Variants in ATP13A1 observed in about 807,000 individuals in gnomAD.
ATP13A1 encodes the protein ATPase 13A1.
A neutral mutation model predicts 134.8 loss-of-function variants in ATP13A1; 55 were observed. That is an observed-to-expected ratio of 0.41 (90% CI 0.33 to 0.51). The LOEUF is 0.51. ATP13A1 is among the 20% of genes least tolerant of loss of function. The pLI, the probability that ATP13A1 is intolerant of heterozygous loss-of-function variation, is 0.29. For synonymous variants in ATP13A1, 775 were observed against 725.1 expected (o/e 1.07, Z -1.10); for missense variants, 1,389 against 1,652.8 (o/e 0.84, Z 2.77).
chr19:19,650,049 G>A lies in ATP13A1; in HGVS notation c.2336-109C>T, dbSNP rs534890668. The A allele has an allele frequency of 9.5e-5, 96 of 1,008,800 alleles. No individual in the cohort carries two copies. In the African/African-American group the frequency reaches 1.2e-3, roughly 13 times the overall value. 62.5% of individuals were successfully genotyped at this position (1,008,800 alleles called of 1,614,324 possible). A position where few individuals can be genotyped will look rare whatever the true frequency, so the allele number is the denominator to read the frequency against. On this transcript the variant is annotated intron_variant, in intron 17 of 25. Transcript: ENST00000357324. ...AGCCAGTCTCTCCTCTCTGGAGCCC[G>A]CACCTCCCTACCCACCCAGGTGACC...
chr19:19,649,669 T>C lies in ATP13A1; in HGVS notation c.2536-6A>G. 6.2e-7 allele frequency: 1 copy of C among 1,613,892 alleles called. No homozygotes were observed. The highest frequency in any genetic ancestry group is 1.1e-5 in the South Asian group (1 of 91,084). ...AGGCTGGTGATGACAAACTCCTGTATGGGCGGAGACAGGCTGAGCAGGGGC... is the reference window on the plus strand; with the variant it reads ...AGGCTGGTGATGACAAACTCCTGTACGGGCGGAGACAGGCTGAGCAGGGGC... On this transcript the variant is annotated splice_region_variant and splice_polypyrimidine_tract_variant and intron_variant, in intron 18 of 25. Transcript: ENST00000357324.
chr19:19,654,783 G>T, intron 12 of ATP13A1, 83 bp from the exon 13 acceptor site: 1 of 1,479,434 alleles, frequency 6.8e-7, no homozygotes, highest in Non-Finnish European at 9.1e-7. Context: ...GACCCCCAAG[G>T]CCATTCATTC....
chr19:19,647,266 T>C lies in ATP13A1; in HGVS notation c.2968A>G (p.Ile990Val). Residue 990 changes from isoleucine (I) to valine (V), a missense_variant, in exon 22 of 26, where the codon ATC becomes GTC. This residue lies in a region of ATP13A1 where 228 missense variants were observed against 321.0 expected (regional missense o/e 0.71). Coordinates refer to ENST00000357324, the MANE Select transcript of ATP13A1 (RefSeq NM_020410.3). The surrounding 1 kb of genome is among the most constrained non-coding windows in gnomAD (Gnocchi z 4.8). ...TLVTTLQMFKILALNALILAY... is the reference protein window; with the variant it reads ...TLVTTLQMFKVLALNALILAY... ...AGGATGAGGGCATTGAGCGCCAGGA[T>C]CTTGAACATCTGTAGCGTGGTCACC... The C allele has an allele frequency of 6.2e-7, 1 of 1,613,678 alleles. No individual in the cohort carries two copies. Among genetic ancestry groups the C allele is most frequent in the Non-Finnish European group, 8.5e-7 (1 of 1,179,854 alleles).
chr19:19,652,651 G>A lies in ATP13A1; in HGVS notation c.2170C>T (p.Pro724Ser). ...KFVGFIVVSC[P>S]LKADSKAVIR... ...ACGGCCTTGGAGTCAGCCTTGAGCG[G>A]GCAGGAGACCACAATGAAGCCGACG... Residue 724 changes from proline to serine, a missense_variant, in exon 16 of 26, where the codon CCG (proline) becomes TCG (serine). Pro to Ser is a moderately conservative substitution (Grantham distance 74). Coordinates refer to ENST00000357324, the MANE Select transcript of ATP13A1 (RefSeq NM_020410.3). The A allele has an allele frequency of 6.2e-7, 1 of 1,608,952 alleles. No homozygotes were observed. Among genetic ancestry groups the A allele is most frequent in the Non-Finnish European group, 8.5e-7 (1 of 1,178,012 alleles).
chr19:19,645,417 C>A lies in ATP13A1; in HGVS notation c.*5G>T. ...GGGTGGGCAGTGGGTACCAGCACTG[C>A]CATCTCAGGAAGGCACTTTCAGCTT... On this transcript the variant is annotated 3_prime_UTR_variant, in exon 26 of 26. Coordinates refer to ENST00000357324, the MANE Select transcript of ATP13A1 (RefSeq NM_020410.3). The surrounding 1 kb of genome is among the most constrained non-coding windows in gnomAD (Gnocchi z 4.1). 6.3e-7 allele frequency: 1 copy of A among 1,592,558 alleles called. No homozygotes were observed. Among genetic ancestry groups the A allele is most frequent in the Non-Finnish European group, 8.5e-7 (1 of 1,171,006 alleles).
At position 19,663,384 on chromosome 19, in the gene ATP13A1, G is replaced by A; in HGVS notation, c.283C>T (p.Gln95Ter). 6.3e-7 allele frequency: 1 copy of A among 1,586,744 alleles called. No homozygotes were observed. Among genetic ancestry groups the A allele is most frequent in the Non-Finnish European group, 8.6e-7 (1 of 1,168,326 alleles). Reference sequence around the variant, plus strand: ...ACGAGCAGCGCAGCTTCGGGGATCTGCACCCAACTGCTGCCCCAGCCCCAG... The same window carrying A: ...ACGAGCAGCGCAGCTTCGGGGATCTACACCCAACTGCTGCCCCAGCCCCAG... Reference protein sequence around the residue: ...GCWGWGSSWVQIPEAALLVLA... With the variant: ...GCWGWGSSWV Residue 95 changes from glutamine (Q) to a stop codon, truncating the protein, a stop_gained, in exon 1 of 26, where the codon CAG becomes TAG. Coordinates refer to ENST00000357324, the MANE Select transcript of ATP13A1 (RefSeq NM_020410.3). LOFTEE classifies it high-confidence loss of function.
At chr19:19,658,747 T>A (rs1488071157) in intron 3 of ATP13A1, among the ~76,000 whole-genome samples, 1 of 152,286 alleles carries the variant, frequency 6.6e-6, no homozygotes, top group East Asian at 1.9e-4. Context: ...AGGGCAGACA[T>A]GGTCACGGTC....
intron 1 of ATP13A1, chr19:19,662,180 G>A: frequency 6.5e-7 from 1 of 1,550,080 alleles, no homozygotes; most frequent in Non-Finnish European, 8.7e-7. Context: ...TGAAGTTTGA[G>A]CGGTGCCACA....
chr19:19,652,573 G>A (rs533388585), intron 16 of ATP13A1, 22 bp downstream of exon 16: 2 of 1,601,844 alleles, frequency 1.2e-6, no homozygotes, highest in East Asian at 2.3e-5. Context: ...TGCAGAGGGT[G>A]GAGCCGAGCA....
At position 19,657,655 on chromosome 19, in the gene ATP13A1, T is replaced by C. The variant is rs537720617; in HGVS notation, c.678-247A>G. On this transcript the variant is annotated intron_variant, in intron 3 of 25. Transcript: ENST00000357324. The stretch of plus-strand genomic sequence containing the variant: ...AGCCCTCGGCTCTGCATAAAACAGA[T>C]GAAGCTCCTTAATCTGCAATATGCT... 5.3e-5 allele frequency among the ~76,000 whole-genome samples: 8 copies of C among 152,298 alleles called. No homozygotes were observed. In the East Asian group the frequency reaches 1.5e-3, roughly 29 times the overall value.
intron 2 of ATP13A1, 52 bp from the exon 3 acceptor site, chr19:19,659,843 C>T (rs1185093306): frequency 1.5e-5 from 24 of 1,596,932 alleles, no homozygotes; most frequent in East Asian, 9.0e-5. Flanking sequence ...GGGGTGTCAG[C>T]GCCTGGGAAT....
intron 1 of ATP13A1, chr19:19,662,187 C>T (rs1163895769): frequency 1.9e-6 from 3 of 1,548,598 alleles, no homozygotes; most frequent in Non-Finnish European, 2.6e-6. Context: ...TGAGCGGTGC[C>T]ACAGTCCCCT....
chr19:19,654,986 C>T, intron 12 of ATP13A1, 133 bp downstream of exon 12: 1 of 1,393,492 alleles, frequency 7.2e-7, no homozygotes, highest in Non-Finnish European at 9.6e-7. Flanking sequence ...GTGGGGAGCC[C>T]CTGGAAATGA....
intron 17 of ATP13A1, chr19:19,650,622 T>A (rs2062018178): frequency 6.6e-6 from 1 of 152,608 alleles, no homozygotes; most frequent in Non-Finnish European, 1.5e-5. Flanking sequence ...CCATGCCACC[T>A]GCCCACAATC....
Position 19,656,947 on chromosome 19 carries a change from C to A in ATP13A1, c.907-31G>T. ...CGGGGCATGGGTGTCAGCACAGAAG[C>A]CGCACCTGTGCTGCACCCCCAACCT... On this transcript the variant is annotated intron_variant, in intron 5 of 25. Coordinates refer to ENST00000357324, the MANE Select transcript of ATP13A1 (RefSeq NM_020410.3). This position sits in a 1 kb window ranked among gnomAD's most constrained non-coding sequence, Gnocchi z 4.6. 1 of 1,605,020 alleles carries A rather than the reference C, an allele frequency of 6.2e-7. No homozygotes were observed. Among genetic ancestry groups the A allele is most frequent in the Non-Finnish European group, 8.5e-7 (1 of 1,176,260 alleles).
intron 3 of ATP13A1, among the ~76,000 whole-genome samples, chr19:19,657,885 C>T (rs910836179): frequency 2.0e-5 from 3 of 152,090 alleles, no homozygotes; most frequent in Middle Eastern, 3.2e-3. Context: ...GGGTGGTTCA[C>T]GCCTGTAATC....
Position 19,652,663 on chromosome 19 carries a change from C to T in ATP13A1, c.2158G>A (p.Val720Met). ...TCAGCCTTGAGCGGGCAGGAGACCA[C>T]AATGAAGCCGACGAACTTGAGGCTG... is the stretch of plus-strand genomic sequence containing the variant. Reference protein sequence around the residue: ...ECSLKFVGFIVVSCPLKADSK... With the variant: ...ECSLKFVGFIMVSCPLKADSK... Residue 720 changes from valine to methionine, a missense_variant, in exon 16 of 26, where the codon GTG becomes ATG. Physicochemically the swap from Val to Met is conservative, Grantham distance 21. Transcript: ENST00000357324. 6.2e-7 allele frequency: 1 copy of T among 1,608,962 alleles called. No individual in the cohort carries two copies.
Position 19,649,672 on chromosome 19 carries a change from G to A in ATP13A1, c.2536-9C>T, listed in dbSNP as rs754623733. The A allele has an allele frequency of 7.4e-6, 12 of 1,613,754 alleles. No homozygotes were observed. The highest frequency in any genetic ancestry group is 1.0e-5 in the Non-Finnish European group (12 of 1,179,856). On this transcript the variant is annotated splice_polypyrimidine_tract_variant and intron_variant, in intron 18 of 25. Coordinates refer to ENST00000357324, the MANE Select transcript of ATP13A1 (RefSeq NM_020410.3). The stretch of plus-strand genomic sequence containing the variant: ...CTGGTGATGACAAACTCCTGTATGG[G>A]CGGAGACAGGCTGAGCAGGGGCTGC...
At position 19,659,708 on chromosome 19, in the gene ATP13A1, G is replaced by C. The variant is rs1242691457; in HGVS notation, c.570C>G (p.Leu190=). 1 of 1,614,006 alleles carries C rather than the reference G, an allele frequency of 6.2e-7. No homozygotes were observed. The highest frequency in any genetic ancestry group is 2.2e-5 in the East Asian group (1 of 44,880). The change falls in exon 3 of 26, where the codon CTC becomes CTG. Residue 190 remains leucine, a synonymous_variant. Transcript: ENST00000357324. ...CGTTTCCCACAGGAAAGGCCACGGG[G>C]AGAAACTGCTTCTTCTCCAGGGCAT... The part of the protein sequence containing the change: ...SYDALEKKQF[L]PVAFPVGNAF...
Sources: allele counts gnomAD v4.1 joint callset (sites outside exome capture counted in the v4.1 genomes callset), GRCh38; gene constraint gnomAD v4.1.1; regional missense constraint gnomAD v4.1.1; non-coding constraint Gnocchi (gnomAD v3.1); transcripts MANE v1.5; gene names NCBI Gene and HGNC (gene_info 2026-07-23, HGNC 2026-07-21).